EXT1: variants seen among roughly 807,000 people sequenced by gnomAD.
EXT1 encodes exostosin-1.
A neutral mutation model predicts 82.5 loss-of-function variants in EXT1; 20 were observed. The observed-to-expected ratio is 0.24, with a 90% CI of 0.17 to 0.35. The LOEUF is 0.35. Ranked by LOEUF, EXT1 falls within the 10% of genes least tolerant of loss-of-function variation. The pLI is 1.00. For missense variants in EXT1, 757 were observed against 936.5 expected, an observed-to-expected ratio of 0.81 and a Z score of 2.50; for synonymous variants, 348 against 350.8, an observed-to-expected ratio of 0.99 and a Z score of 0.09.
intron 9 of EXT1, among the ~76,000 whole-genome samples, chr8:117,806,980 T>C (rs1034279083): frequency 3.9e-5 from 6 of 152,200 alleles, no homozygotes; most frequent in Non-Finnish European, 5.9e-5. Context: ...CTGAGAGTAT[T>C]TTCACACTTC....
At chr8:118,090,128 A>C (rs776213389) in intron 1 of EXT1, among the ~76,000 whole-genome samples, 1 of 152,194 alleles carries the variant, frequency 6.6e-6, no homozygotes, top group Non-Finnish European at 1.5e-5. Flanking sequence ...ACCTGTAAAA[A>C]AGAGCCAAGT....
intron 9 of EXT1, among the ~76,000 whole-genome samples, chr8:117,806,957 T>G (rs1025673035): frequency 1.3e-5 from 2 of 152,188 alleles, no homozygotes; most frequent in African/African-American, 4.8e-5. Flanking sequence ...AATATTCAGT[T>G]ACCTAATATG....
intron 1 of EXT1, among the ~76,000 whole-genome samples, chr8:117,908,675 A>AAC (rs1278842415): frequency 6.6e-6 from 1 of 151,910 alleles, no homozygotes; most frequent in African/African-American, 2.4e-5. Flanking sequence ...ACAAAAACAA[A>AAC]ACACACACAC....
At chr8:117,992,257 C>A (rs1216028595) in intron 1 of EXT1, among the ~76,000 whole-genome samples, 1 of 151,870 alleles carries the variant, frequency 6.6e-6, no homozygotes, top group Admixed American at 6.6e-5. Flanking sequence ...TACATAAGTG[C>A]AAAGAAGAAT....
At chr8:118,012,058 C>T (rs556877294) in intron 1 of EXT1, among the ~76,000 whole-genome samples, 1 of 152,222 alleles carries the variant, frequency 6.6e-6, no homozygotes, top group African/African-American at 2.4e-5. Context: ...TGCTCCCTTT[C>T]TTCACACAGC....
intron 9 of EXT1, among the ~76,000 whole-genome samples, chr8:117,805,853 C>T: frequency 1.3e-5 from 2 of 152,278 alleles, no homozygotes; most frequent in Middle Eastern, 3.4e-3. Flanking sequence ...GCTTTAAAGA[C>T]CAAATATATG....
At chr8:117,990,780 G>A (rs528673589) in intron 1 of EXT1, among the ~76,000 whole-genome samples, 5 of 152,136 alleles carry the variant, frequency 3.3e-5, no homozygotes, top group Non-Finnish European at 7.3e-5. Context: ...AGTTTGCATC[G>A]TTCTAGGCAC....
rs541608368 is a variant in EXT1 at position 117,872,416 on chromosome 8, C to T, written c.963-35215G>A. On this transcript the variant is annotated intron_variant, in intron 1 of 10. Coordinates refer to ENST00000378204, the MANE Select transcript of EXT1 (RefSeq NM_000127.3). The stretch of plus-strand genomic sequence containing the variant: ...GTGGATTAAAAAAAAAAAGGATGTT[C>T]TTAATTGCTACATTGCAACAATTTA... Among the ~76,000 whole-genome samples the T allele has an allele frequency of 1.8e-3, 276 of 152,012 alleles. 3 individuals are homozygous for T. The highest frequency in any genetic ancestry group is 6.5e-3 in the African/African-American group (269 of 41,504).
chr8:117,818,800 G>GA (rs1811872605), intron 6 of EXT1, among the ~76,000 whole-genome samples: 1 of 152,170 alleles, frequency 6.6e-6, no homozygotes, highest in Non-Finnish European at 1.5e-5. Flanking sequence ...GGGAATAGGG[G>GA]AAAGCTGCAG....
intron 1 of EXT1, among the ~76,000 whole-genome samples, chr8:118,035,141 T>A (rs1040851381): frequency 1.3e-5 from 2 of 152,204 alleles, no homozygotes; most frequent in Non-Finnish European, 2.9e-5. Flanking sequence ...ATTTTTTGAA[T>A]ATCAAGCCCG....
At chr8:117,844,221 C>A (rs1812318199) in intron 1 of EXT1, among the ~76,000 whole-genome samples, 1 of 151,562 alleles carries the variant, frequency 6.6e-6, no homozygotes. Context: ...GGTGAGATCA[C>A]AGTTCACTGC....
chr8:117,862,890 C>A (rs1353582474), intron 1 of EXT1, among the ~76,000 whole-genome samples: 6 of 143,154 alleles, frequency 4.2e-5, no homozygotes, highest in East Asian at 1.9e-4. Flanking sequence ...AAGAATAATT[C>A]GGGAAGTGGA....
At chr8:117,882,002 T>C (rs1344499064) in intron 1 of EXT1, among the ~76,000 whole-genome samples, 1 of 152,202 alleles carries the variant, frequency 6.6e-6, no homozygotes. Context: ...ATCAATCTAT[T>C]GGGAATTTTC....
chr8:118,022,746 GATTT>G (rs1322308136), intron 1 of EXT1, among the ~76,000 whole-genome samples: 2 of 152,098 alleles, frequency 1.3e-5, no homozygotes, highest in East Asian at 3.9e-4. Context: ...TAATTTTAAA[GATTT>G]ATTATTTTTC....
At chr8:117,918,879 G>A (rs1480663347) in intron 1 of EXT1, among the ~76,000 whole-genome samples, 1 of 152,096 alleles carries the variant, frequency 6.6e-6, no homozygotes, top group Non-Finnish European at 1.5e-5. Context: ...CCACTGACAT[G>A]ATGTGTTAGT....
intron 1 of EXT1, among the ~76,000 whole-genome samples, chr8:117,920,639 A>G (rs1813837547): frequency 6.6e-6 from 1 of 152,204 alleles, no homozygotes; most frequent in South Asian, 2.1e-4. Flanking sequence ...TGTTTACAGC[A>G]TGCCTTTACA....
chr8:117,905,464 A>G (rs1813525865), intron 1 of EXT1, among the ~76,000 whole-genome samples: 1 of 152,132 alleles, frequency 6.6e-6, no homozygotes. Flanking sequence ...GGTTGCAGTG[A>G]CCTGAAATCG....
intron 1 of EXT1, among the ~76,000 whole-genome samples, chr8:118,089,230 T>C (rs1817480605): frequency 6.6e-6 from 1 of 152,136 alleles, no homozygotes; most frequent in South Asian, 2.1e-4. Flanking sequence ...AAATTTTGCT[T>C]ACAAAATTAG....
chr8:118,036,434 T>C (rs2129890839), intron 1 of EXT1, among the ~76,000 whole-genome samples: 1 of 152,266 alleles, frequency 6.6e-6, no homozygotes, highest in Middle Eastern at 3.4e-3. Flanking sequence ...ATCTCTTGCC[T>C]GGGATAGTAA....
Sources: allele counts gnomAD v4.1 joint callset (sites outside exome capture counted in the v4.1 genomes callset), GRCh38; gene constraint gnomAD v4.1.1; transcripts MANE v1.5; gene names NCBI Gene and HGNC (gene_info 2026-07-23, HGNC 2026-07-21).